Variants in PTPN21 observed in about 807,000 individuals in gnomAD.
PTPN21 encodes the protein protein tyrosine phosphatase non-receptor type 21.
A neutral mutation model predicts 131.8 loss-of-function variants in PTPN21; 77 were observed. The ratio of observed to expected loss-of-function variants is 0.58; its 90% CI spans 0.49 to 0.71. PTPN21 has a LOEUF of 0.71. PTPN21 is among the 30% of genes least tolerant of loss of function. The pLI is 0.00. For missense variants in PTPN21, 1,552 were observed against 1,527.1 expected (o/e 1.02, Z -0.27); for synonymous variants, 715 against 621.3 (o/e 1.15, Z -2.24).
In PTPN21 at chr14:88,468,062, T is replaced by A; in HGVS notation, c.*75A>T. On this transcript the variant is annotated 3_prime_UTR_variant, in exon 19 of 19. Coordinates refer to ENST00000556564, the MANE Select transcript of PTPN21 (RefSeq NM_007039.4). ...CGTGGATCAAGTGTCAACGGGAAAG[T>A]ATGAGTTAGGCAAGCGCTTTTTTTT... 1 of 1,538,516 alleles carries A rather than the reference T, an allele frequency of 6.5e-7. No homozygotes were observed. The highest frequency in any genetic ancestry group is 8.9e-7 in the Non-Finnish European group (1 of 1,118,086).
chr14:88,509,603 A>AG (rs2078146240), intron 3 of PTPN21, among the ~76,000 whole-genome samples: 1 of 152,226 alleles, frequency 6.6e-6, no homozygotes, highest in Non-Finnish European at 1.5e-5. Flanking sequence ...TCCACCAAAG[A>AG]GAAAAACTTG....
chr14:88,479,321 C>A lies in PTPN21; in HGVS notation c.2110G>T (p.Ala704Ser). ...RYGHKKSLSD[A>S]TMLIHSSEEE... is the part of the protein sequence containing the mutation. Reference sequence around the variant, plus strand: ...TCGCTGCTGTGGATTAGCATGGTGGCGTCCGACAGGGACTTCTTATGGCCG... The same window carrying A: ...TCGCTGCTGTGGATTAGCATGGTGGAGTCCGACAGGGACTTCTTATGGCCG... Residue 704 changes from alanine to serine, a missense_variant, in exon 13 of 19, where the codon GCC becomes TCC. Around this residue, in one of 4 missense-constraint regions of PTPN21, gnomAD observed 1,016 missense variants for 883.5 expected, o/e 1.15. Transcript: ENST00000556564. 1 of 1,613,450 alleles carries A rather than the reference C, an allele frequency of 6.2e-7. No individual in the cohort carries two copies. The highest frequency in any genetic ancestry group is 8.5e-7 in the Non-Finnish European group (1 of 1,179,636).
Position 88,479,251 on chromosome 14 carries a change from G to A in PTPN21, c.2180C>T (p.Ala727Val), listed in dbSNP as rs2140096999. 6 of 1,611,002 alleles carry A rather than the reference G, an allele frequency of 3.7e-6. No homozygotes were observed. The highest frequency in any genetic ancestry group is 1.7e-4 in the Middle Eastern group (1 of 6,022). The change falls in exon 13 of 19, where the codon GCG becomes GTG. Residue 727 changes from alanine to valine, a missense_variant. By Grantham distance (64) the Ala-to-Val change is moderately conservative. Around this residue, in one of 4 missense-constraint regions of PTPN21, gnomAD observed 1,016 missense variants for 883.5 expected, o/e 1.15. Transcript: ENST00000556564. The part of the protein sequence containing the change: ...EDFEEESGAR[A>V]PPARAREPRP... The stretch of plus-strand genomic sequence containing the variant: ...AGGCTCGCGCGCACGTGCAGGAGGC[G>A]CCCGGGCCCCGCTCTCCTCCTCGAA...
At chr14:88,527,844 G>A (rs1208629517) in intron 2 of PTPN21, among the ~76,000 whole-genome samples, 1 of 152,042 alleles carries the variant, frequency 6.6e-6, no homozygotes, top group Non-Finnish European at 1.5e-5. Context: ...GGTGAGAGAT[G>A]AGGATCCAGT....
chr14:88,490,089 ACC>A (rs2077800700), intron 10 of PTPN21, among the ~76,000 whole-genome samples: 1 of 151,120 alleles, frequency 6.6e-6, no homozygotes, highest in Non-Finnish European at 1.5e-5. Context: ...GCTCACTGCA[ACC>A]TCCACCTCCC....
rs767429153 is a variant in PTPN21 at position 88,479,413 on chromosome 14, G to A, written c.2018C>T (p.Ser673Phe). Residue 673 changes from serine to phenylalanine, a missense_variant, in exon 13 of 19, where the codon TCC becomes TTC. By Grantham distance (155) the Ser-to-Phe change is radical. Around this residue, in one of 4 missense-constraint regions of PTPN21, gnomAD observed 1,016 missense variants for 883.5 expected, o/e 1.15. Coordinates refer to ENST00000556564, the MANE Select transcript of PTPN21 (RefSeq NM_007039.4). ...CCTCTCGGTGAAAACGCTGGGCTGG[G>A]AGCCCACCGAGACGGCTCGCGGCGC... ...EVAPRAVSVG[S>F]QPSVFTERTQ... is the part of the protein sequence containing the mutation. 1 of 1,603,166 alleles carries A rather than the reference G, an allele frequency of 6.2e-7. No homozygotes were observed. Among genetic ancestry groups the A allele is most frequent in the Non-Finnish European group, 8.5e-7 (1 of 1,178,828 alleles).
chr14:88,539,160 T>A (rs1351197864), intron 2 of PTPN21, among the ~76,000 whole-genome samples: 1 of 151,898 alleles, frequency 6.6e-6, no homozygotes, highest in Non-Finnish European at 1.5e-5. Flanking sequence ...CTCAGCTCAC[T>A]GCAACCTCCA....
At chr14:88,553,841 G>A (rs1208644894) in intron 1 of PTPN21, among the ~76,000 whole-genome samples, 1 of 151,958 alleles carries the variant, frequency 6.6e-6, no homozygotes, top group Non-Finnish European at 1.5e-5. Context: ...TTTTGCCAAA[G>A]TTGCTTTAAA....
intron 2 of PTPN21, among the ~76,000 whole-genome samples, chr14:88,534,228 G>T (rs917761286): frequency 2.0e-5 from 3 of 151,396 alleles, no homozygotes; most frequent in East Asian, 2.0e-4. Context: ...TAAAAAAAAG[G>T]GGGGGCGGGG....
chr14:88,500,918 A>T, intron 7 of PTPN21, 47 bp from the exon 8 acceptor site: 1 of 1,339,122 alleles, frequency 7.5e-7, no homozygotes, highest in Non-Finnish European at 1.1e-6. Context: ...GCAGATGCAG[A>T]GGAACTGCTG....
At chr14:88,522,264 T>C (rs2078406029) in intron 2 of PTPN21, among the ~76,000 whole-genome samples, 1 of 151,302 alleles carries the variant, frequency 6.6e-6, no homozygotes, top group African/African-American at 2.4e-5. Context: ...CCATCTCTAC[T>C]AAAAATACAA....
At chr14:88,542,641 G>A (rs2078722688) in intron 2 of PTPN21, among the ~76,000 whole-genome samples, 1 of 152,188 alleles carries the variant, frequency 6.6e-6, no homozygotes, top group Non-Finnish European at 1.5e-5. Flanking sequence ...TTGTAGAATA[G>A]ACTTTAAAAT....
chr14:88,516,520 A>G (rs2078272630), intron 3 of PTPN21, among the ~76,000 whole-genome samples: 1 of 152,128 alleles, frequency 6.6e-6, no homozygotes, highest in African/African-American at 2.4e-5. Context: ...CTTCAGGGGG[A>G]AAAAGAATAA....
chr14:88,510,896 T>C (rs1439758117), intron 3 of PTPN21, among the ~76,000 whole-genome samples: 1 of 151,540 alleles, frequency 6.6e-6, no homozygotes, highest in Non-Finnish European at 1.5e-5. Flanking sequence ...GATGGATGGA[T>C]GGATACACAG....
In PTPN21 at chr14:88,542,360, T is replaced by A. The variant is rs565257067; in HGVS notation, c.180+7878A>T. ...AGCACTTAGAGCCCCCAAAACACCATCAGTTCCCTCATGTCCACCATTTTG... is the reference window on the plus strand; with the variant it reads ...AGCACTTAGAGCCCCCAAAACACCAACAGTTCCCTCATGTCCACCATTTTG... On this transcript the variant is annotated intron_variant, in intron 2 of 18. Coordinates refer to ENST00000556564, the MANE Select transcript of PTPN21 (RefSeq NM_007039.4). Among the ~76,000 whole-genome samples, 3 of 152,252 alleles carry A rather than the reference T, an allele frequency of 2.0e-5. No homozygotes were observed. The East Asian group carries it at 5.8e-4, about 29-fold the overall frequency.
intron 2 of PTPN21, among the ~76,000 whole-genome samples, chr14:88,518,255 A>AATATATATATATATATAT (rs1555388146): frequency 1.1e-4 from 2 of 18,666 alleles, no homozygotes; most frequent in African/African-American, 4.4e-4. Context: ...AAAAAAAAAA[A>AATATATATATATATATAT]ATATATATAT....
intron 4 of PTPN21, among the ~76,000 whole-genome samples, chr14:88,507,315 G>A (rs1327829365): frequency 1.3e-5 from 2 of 152,124 alleles, no homozygotes; most frequent in Admixed American, 6.6e-5. Flanking sequence ...TGTCAAGGAT[G>A]GGAATGTGTT....
intron 2 of PTPN21, among the ~76,000 whole-genome samples, chr14:88,535,366 C>T (rs1421978418): frequency 4.6e-5 from 7 of 152,170 alleles, no homozygotes; most frequent in South Asian, 2.1e-4. Context: ...GTGACAATGC[C>T]TGAGATTCCA....
At chr14:88,528,283 T>C (rs922419144) in intron 2 of PTPN21, among the ~76,000 whole-genome samples, 4 of 152,230 alleles carry the variant, frequency 2.6e-5, no homozygotes, top group African/African-American at 9.6e-5. Flanking sequence ...TCCCTGAGCA[T>C]GGGATGTGTT....
Sources: allele counts gnomAD v4.1 joint callset (sites outside exome capture counted in the v4.1 genomes callset), GRCh38; gene constraint gnomAD v4.1.1; regional missense constraint gnomAD v4.1.1; transcripts MANE v1.5; gene names NCBI Gene and HGNC (gene_info 2026-07-23, HGNC 2026-07-21).